OTOGL: variants seen among roughly 807,000 people sequenced by gnomAD.
OTOGL encodes the protein otogelin-like protein.
In OTOGL, 285 loss-of-function variants were observed where a neutral mutation model predicts 318.5. That is an observed-to-expected ratio of 0.89 (90% CI 0.81 to 0.99). The LOEUF is 0.99. OTOGL is among the 50% of genes least tolerant of loss of function. OTOGL has a pLI of 0.00. For synonymous variants in OTOGL, 987 were observed against 936.5 expected, an observed-to-expected ratio of 1.05 and a Z score of -0.99; for missense variants, 2,899 against 2,845.6, an observed-to-expected ratio of 1.02 and a Z score of -0.43.
chr12:80,159,272 A>G (rs188590743), intron 1 of OTOGL, among the ~76,000 whole-genome samples: 222 of 152,224 alleles, frequency 1.5e-3, no homozygotes, highest in African/African-American at 5.1e-3. Flanking sequence ...TATGTTCATC[A>G]GGGATACTGG....
intron 40 of OTOGL, 24 bp downstream of exon 40, chr12:80,336,579 G>A: frequency 6.3e-7 from 1 of 1,591,534 alleles, no homozygotes; most frequent in Non-Finnish European, 8.6e-7. Flanking sequence ...TATTTTTGCA[G>A]TCATTTCATC....
At chr12:80,103,371 T>C (rs1364524462) in intron 1 of OTOGL, 1 of 1,036,972 alleles carries the variant, frequency 9.6e-7, no homozygotes, top group Admixed American at 1.8e-5. Flanking sequence ...TCTTCTTTTC[T>C]TTTCTTGCAG....
chr12:80,340,717 G>A (rs1168304378), intron 43 of OTOGL, among the ~76,000 whole-genome samples: 1 of 152,128 alleles, frequency 6.6e-6, no homozygotes, highest in Non-Finnish European at 1.5e-5. Context: ...ACTAGACTAG[G>A]TGCTGGCTGA....
At chr12:80,168,761 G>A (rs961807466) in intron 1 of OTOGL, among the ~76,000 whole-genome samples, 71 of 152,132 alleles carry the variant, frequency 4.7e-4, no homozygotes, top group African/African-American at 1.6e-3. Flanking sequence ...TATCTTGTAA[G>A]TTATGATATC....
In OTOGL at chr12:80,262,049, T is replaced by C; in HGVS notation, c.1970T>C (p.Val657Ala). The change falls in exon 19 of 59, where the codon GTT becomes GCT. Residue 657 changes from valine (V) to alanine (A), a missense_variant. Transcript: ENST00000547103. The stretch of plus-strand genomic sequence containing the variant: ...GTTTCTTCTACCTGTTTTGCACCTG[T>C]TCATGTCCCAGTGGTGGACCCCTGT... ...WRVSSTCFAPVHVPVVDPCNI... is the reference protein window; with the variant it reads ...WRVSSTCFAPAHVPVVDPCNI... The C allele has an allele frequency of 6.2e-7, 1 of 1,612,948 alleles. No individual in the cohort carries two copies.
intron 24 of OTOGL, among the ~76,000 whole-genome samples, chr12:80,276,175 G>T (rs553020455): frequency 2.0e-5 from 3 of 151,888 alleles, no homozygotes; most frequent in East Asian, 1.9e-4. Context: ...AAGAATTGTG[G>T]TTCATTTTGG....
chr12:80,146,398 G>T, intron 1 of OTOGL, among the ~76,000 whole-genome samples: 1 of 150,970 alleles, frequency 6.6e-6, no homozygotes, highest in South Asian at 2.1e-4. Flanking sequence ...TTGCATCCCA[G>T]GGATGAAGCC....
chr12:80,338,827 A>G (rs1888566183), intron 42 of OTOGL, among the ~76,000 whole-genome samples: 1 of 152,064 alleles, frequency 6.6e-6, no homozygotes, highest in African/African-American at 2.4e-5. Flanking sequence ...ATAACATAGA[A>G]GAAAGTTAAA....
intron 23 of OTOGL, 82 bp from the exon 24 acceptor site, chr12:80,271,566 C>T: frequency 7.4e-7 from 1 of 1,342,954 alleles, no homozygotes; most frequent in Non-Finnish European, 1.0e-6. Flanking sequence ...TTAGAATAAA[C>T]CTATTTTATG....
chr12:80,165,432 A>G (rs1438912274), intron 1 of OTOGL, among the ~76,000 whole-genome samples: 1 of 152,200 alleles, frequency 6.6e-6, no homozygotes, highest in Non-Finnish European at 1.5e-5. Context: ...ACAGAGATAT[A>G]TGACAAAGGT....
chr12:80,278,989 C>CGT, intron 25 of OTOGL, 39 bp from the exon 26 acceptor site: 1 of 1,579,162 alleles, frequency 6.3e-7, no homozygotes, highest in Non-Finnish European at 8.6e-7. Flanking sequence ...TAGTTAGAGT[C>CGT]GTTTCTTTAG....
At position 80,261,957 on chromosome 12, in the gene OTOGL, T is replaced by G; in HGVS notation, c.1890-12T>G. ...GAGATACATGAAGATGAGCATTGTC[T>G]TTGCTTTCTAGTTCTCCATCAGGCA... On this transcript the variant is annotated splice_polypyrimidine_tract_variant and intron_variant, in intron 18 of 58. Coordinates refer to ENST00000547103, the MANE Select transcript of OTOGL (RefSeq NM_001378609.3). The G allele has an allele frequency of 6.2e-7, 1 of 1,609,436 alleles. No individual in the cohort carries two copies. The highest frequency in any genetic ancestry group is 8.5e-7 in the Non-Finnish European group (1 of 1,177,418).
At chr12:80,249,863 C>T (rs868335480) in intron 11 of OTOGL, among the ~76,000 whole-genome samples, 5 of 152,136 alleles carry the variant, frequency 3.3e-5, no homozygotes, top group Non-Finnish European at 5.9e-5. Context: ...GATATAGTCT[C>T]GTGGTGCGCC....
intron 44 of OTOGL, among the ~76,000 whole-genome samples, chr12:80,349,442 A>G (rs990077424): frequency 6.6e-6 from 1 of 152,112 alleles, no homozygotes; most frequent in African/African-American, 2.4e-5. Flanking sequence ...GCTTGGGGAG[A>G]GCATTTTCAG....
At chr12:80,221,815 C>T (rs1031279438) in intron 6 of OTOGL, among the ~76,000 whole-genome samples, 1 of 152,082 alleles carries the variant, frequency 6.6e-6, no homozygotes, top group South Asian at 2.1e-4. Flanking sequence ...TTCCATACTC[C>T]TTTTTTTCTT....
At chr12:80,284,115 G>A (rs907510420) in intron 26 of OTOGL, among the ~76,000 whole-genome samples, 3 of 152,076 alleles carry the variant, frequency 2.0e-5, no homozygotes, top group Non-Finnish European at 2.9e-5. Context: ...ACTTATGAGC[G>A]AGAACATGTG....
At chr12:80,356,621 T>C in intron 48 of OTOGL, 101 bp downstream of exon 48, 1 of 1,023,384 alleles carries the variant, frequency 9.8e-7, no homozygotes, top group East Asian at 2.7e-5. Context: ...TGATTTATTA[T>C]AAAAGATTGC....
intron 26 of OTOGL, 145 bp from the exon 27 acceptor site, chr12:80,296,682 T>A (rs1224145202): frequency 1.4e-5 from 8 of 564,196 alleles, no homozygotes; most frequent in Non-Finnish European, 2.1e-5. Context: ...CATTGTTAGT[T>A]AAAAATGACT....
At chr12:80,225,948 C>T (rs903031774) in intron 7 of OTOGL, among the ~76,000 whole-genome samples, 8 of 151,750 alleles carry the variant, frequency 5.3e-5, no homozygotes, top group African/African-American at 1.9e-4. Context: ...GATTTCATCC[C>T]AGAATATATG....
Sources: allele counts gnomAD v4.1 joint callset (sites outside exome capture counted in the v4.1 genomes callset), GRCh38; gene constraint gnomAD v4.1.1; transcripts MANE v1.5; gene names NCBI Gene and HGNC (gene_info 2026-07-23, HGNC 2026-07-21).